Variants in CCDC186 observed in about 807,000 individuals in gnomAD.
CCDC186 encodes coiled-coil domain-containing protein 186.
A neutral mutation model predicts 113.7 loss-of-function variants in CCDC186; 49 were observed. The ratio of observed to expected loss-of-function variants is 0.43; its 90% confidence interval spans 0.34 to 0.55. The LOEUF (loss-of-function observed/expected upper bound fraction) is 0.55, where lower values mean the gene tolerates loss of function less well. Ranked by LOEUF, CCDC186 falls within the 20% of genes least tolerant of loss-of-function variation. The pLI is 0.02. For missense variants in CCDC186, 890 were observed against 1,011.1 expected (o/e 0.88, Z 1.62); for synonymous variants, 355 against 345.8 (o/e 1.03, Z -0.30).
Position 114,129,977 on chromosome 10 carries a change from G to A in CCDC186, c.2102-6C>T. 2 of 1,611,346 alleles carry A rather than the reference G, an allele frequency of 1.2e-6. No individual in the cohort carries two copies. Among genetic ancestry groups the A allele is most frequent in the East Asian group, 2.2e-5 (1 of 44,782 alleles). On this transcript the variant is annotated splice_polypyrimidine_tract_variant and splice_region_variant and intron_variant, in intron 12 of 15. Coordinates refer to ENST00000369287, the MANE Select transcript of CCDC186 (RefSeq NM_018017.4). Reference sequence around the variant, plus strand: ...CTGATCTAATTTTCTTCGTGCTATAGGAAAAAGAAGATTATTCGTCACAAT... The same window carrying A: ...CTGATCTAATTTTCTTCGTGCTATAAGAAAAAGAAGATTATTCGTCACAAT...
chr10:114,136,033 A>C, intron 8 of CCDC186, 56 bp from the exon 9 acceptor site: 2 of 1,538,726 alleles, frequency 1.3e-6, no homozygotes, highest in Non-Finnish European at 1.8e-6. Context: ...TATATCTAAG[A>C]TTTATTGCCT....
In CCDC186 at chr10:114,174,110, G is replaced by A. The variant is rs1329549913; in HGVS notation, c.-157C>T. 1 of 472,258 alleles carries A rather than the reference G, an allele frequency of 2.1e-6. No homozygotes were observed. The highest frequency in any genetic ancestry group is 4.4e-6 in the Non-Finnish European group (1 of 227,054). The allele number at this position is 472,258 out of a possible 1,614,324, so 29.3% of individuals were successfully genotyped here. A position where few individuals can be genotyped will look rare whatever the true frequency, so the allele number is the denominator to read the frequency against. On this transcript the variant is annotated 5_prime_UTR_variant, in exon 1 of 16. Coordinates refer to ENST00000369287, the MANE Select transcript of CCDC186 (RefSeq NM_018017.4). ...CATAGCGGGGTCCAACCAGCCAAGA[G>A]TGGGAGGAAAAGACCGCGGTGAGAA...
In CCDC186 at chr10:114,149,762, AAGGAAGGAAGGAAGGC is replaced by A. The variant is rs1323156977; in HGVS notation, c.888+1314_888+1329del. On this transcript the variant is annotated intron_variant, in intron 4 of 15. Coordinates refer to ENST00000369287, the MANE Select transcript of CCDC186 (RefSeq NM_018017.4). ...GAAGGAAGGCAGGAAGGCAGGAAGG[AAGGAAGGAAGGAAGGC>A]AGGAAGGCAGGAAGGAAGGAAGGAA... Among the ~76,000 whole-genome samples, 4 of 15,696 alleles carry A rather than the reference AAGGAAGGAAGGAAGGC, an allele frequency of 2.5e-4. No homozygotes were observed. The East Asian group carries it at 0.024, about 95-fold the overall frequency. 10.3% of individuals were successfully genotyped at this position (15,696 alleles called of 152,430 possible).
chr10:114,163,485 G>C (rs762703327), intron 1 of CCDC186, among the ~76,000 whole-genome samples, 156 bp from the exon 2 acceptor site: 26 of 151,980 alleles, frequency 1.7e-4, no homozygotes, highest in Non-Finnish European at 3.1e-4. Flanking sequence ...AAAGGACTAG[G>C]ACAGCTAACC....
At chr10:114,144,133 A>G (rs190086441) in intron 6 of CCDC186, among the ~76,000 whole-genome samples, 1,567 of 152,132 alleles carry the variant, frequency 0.01, 14 homozygotes, top group Non-Finnish European at 0.017. Flanking sequence ...CAAATTTGGA[A>G]ACTTACACAT....
chr10:114,164,419 G>A (rs1400505883), intron 1 of CCDC186, among the ~76,000 whole-genome samples: 5 of 151,840 alleles, frequency 3.3e-5, no homozygotes, highest in South Asian at 2.1e-4. Flanking sequence ...CACCGCACCC[G>A]GCATAGGATA....
intron 6 of CCDC186, among the ~76,000 whole-genome samples, chr10:114,138,309 TTG>T (rs1255613970): frequency 0.22 from 12,726 of 58,058 alleles, 1,324 homozygotes; most frequent in African/African-American, 0.3. Flanking sequence ...TTTTTTTTTT[TTG>T]GAGACAGCGT....
intron 14 of CCDC186, among the ~76,000 whole-genome samples, chr10:114,126,728 C>G (rs2030915769): frequency 6.6e-6 from 1 of 152,190 alleles, no homozygotes; most frequent in Non-Finnish European, 1.5e-5. Flanking sequence ...ACTTGCTGTA[C>G]TTTATGCTCT....
At chr10:114,158,724 A>G (rs2032081648) in intron 2 of CCDC186, among the ~76,000 whole-genome samples, 1 of 152,204 alleles carries the variant, frequency 6.6e-6, no homozygotes, top group Admixed American at 6.5e-5. Context: ...AAATATTAAC[A>G]GCAAAACAAA....
chr10:114,135,858 T>A, intron 9 of CCDC186, 33 bp downstream of exon 9: 1 of 1,471,068 alleles, frequency 6.8e-7, no homozygotes, highest in South Asian at 1.2e-5. Context: ...ATATTTACCC[T>A]TCCTCTGGAT....
chr10:114,138,768 T>A (rs1452142998), intron 6 of CCDC186, among the ~76,000 whole-genome samples: 2 of 152,202 alleles, frequency 1.3e-5, no homozygotes, highest in South Asian at 4.1e-4. Context: ...TTCTGCCCTC[T>A]TCATTGTTCC....
At chr10:114,162,458 G>A in intron 2 of CCDC186, 179 bp downstream of exon 2, 1 of 513,342 alleles carries the variant, frequency 1.9e-6, no homozygotes, top group Non-Finnish European at 3.3e-6. Context: ...TCAGATATCT[G>A]AAAAACTCGA....
chr10:114,160,285 A>T (rs899827488), intron 2 of CCDC186, among the ~76,000 whole-genome samples: 2 of 151,918 alleles, frequency 1.3e-5, no homozygotes, highest in South Asian at 2.1e-4. Flanking sequence ...AAAAAAAAAA[A>T]TTTGGTTGGA....
intron 10 of CCDC186, among the ~76,000 whole-genome samples, chr10:114,134,572 C>T (rs1244582132): frequency 2.0e-5 from 3 of 152,150 alleles, no homozygotes; most frequent in Admixed American, 6.6e-5. Flanking sequence ...AAGCTACACA[C>T]GTGCGAAGAT....
rs1342829938 is a variant in CCDC186 at position 114,124,145 on chromosome 10, C to T, written c.*998G>A. On this transcript the variant is annotated 3_prime_UTR_variant, in exon 16 of 16. Transcript: ENST00000369287. ...GGATTACAGGCGTGAGCTACTGCAC[C>T]TGGTCTACTTTATGTTTTAAATAAA... 4 of 152,202 alleles carry T rather than the reference C, an allele frequency of 2.6e-5. No individual in the cohort carries two copies. Among genetic ancestry groups the T allele is most frequent in the Non-Finnish European group, 5.9e-5 (4 of 68,072 alleles). The allele number at this position is 152,202 out of a possible 1,614,324, so 9.4% of individuals were successfully genotyped here.
At chr10:114,164,452 G>T (rs1291246784) in intron 1 of CCDC186, among the ~76,000 whole-genome samples, 4 of 151,962 alleles carry the variant, frequency 2.6e-5, no homozygotes, top group Middle Eastern at 6.8e-3. Context: ...GTTTATGGAG[G>T]TTACTATTCT....
chr10:114,143,975 T>C (rs1225502434), intron 6 of CCDC186, among the ~76,000 whole-genome samples: 1 of 152,084 alleles, frequency 6.6e-6, no homozygotes, highest in East Asian at 1.9e-4. Flanking sequence ...TTATATTCAC[T>C]AGGCACAATA....
Position 114,162,867 on chromosome 10 carries a change from C to T in CCDC186, c.402G>A (p.Lys134=), listed in dbSNP as rs778744440. The change falls in exon 2 of 16, where the codon AAG becomes AAA. Residue 134 remains lysine, a synonymous_variant. Coordinates refer to ENST00000369287, the MANE Select transcript of CCDC186 (RefSeq NM_018017.4). The part of the protein sequence containing the change: ...SSTFPESANE[K]TYSESPYDTD... The stretch of plus-strand genomic sequence containing the variant: ...TATCATAGGGGCTTTCTGAATAAGT[C>T]TTTTCATTAGCTGATTCTGGAAATG... The T allele has an allele frequency of 6.2e-7, 1 of 1,613,918 alleles. No homozygotes were observed. The highest frequency in any genetic ancestry group is 1.3e-5 in the African/African-American group (1 of 75,022).
chr10:114,147,355 A>G (rs1273475566), intron 4 of CCDC186, among the ~76,000 whole-genome samples: 1 of 151,682 alleles, frequency 6.6e-6, no homozygotes, highest in African/African-American at 2.4e-5. Context: ...AAATACTTAC[A>G]TCCCCTGGGA....
Sources: gnomAD v4.1 joint callset for allele counts (sites outside exome capture counted in the v4.1 genomes callset) on GRCh38, gnomAD v4.1.1 for gene constraint, MANE v1.5 for transcripts, NCBI Gene and HGNC (gene_info 2026-07-23, HGNC 2026-07-21) for gene names.